Variants in NEGR1 observed in about 807,000 individuals in gnomAD.
The protein encoded by NEGR1 is IgLON family member 4.
NEGR1 carries 10 observed loss-of-function variants against 40.9 expected under a neutral mutation model. The ratio of observed to expected loss-of-function variants is 0.24; its 90% CI spans 0.15 to 0.42. The LOEUF (loss-of-function observed/expected upper bound fraction) is 0.42. Ranked by LOEUF, NEGR1 falls within the 10% of genes least tolerant of loss-of-function variation. NEGR1 has a pLI of 1.00. For synonymous variants in NEGR1, 185 were observed against 166.8 expected, an observed-to-expected ratio of 1.11 and a Z score of -0.84; for missense variants, 352 against 438.9, an observed-to-expected ratio of 0.80 and a Z score of 1.77.
chr1:72,242,037 T>C (rs183024048), intron 1 of NEGR1, among the ~76,000 whole-genome samples: 4 of 137,392 alleles, frequency 2.9e-5, no homozygotes, highest in African/African-American at 8.7e-5. Flanking sequence ...GAAACAATAA[T>C]TATGTGTTTT....
chr1:72,110,225 A>AAAAAAAT (rs1553141078), intron 1 of NEGR1, among the ~76,000 whole-genome samples: 1 of 146,726 alleles, frequency 6.8e-6, no homozygotes, highest in African/African-American at 2.6e-5. Context: ...GTATAATAAA[A>AAAAAAAT]AAAAAAAAAA....
intron 1 of NEGR1, among the ~76,000 whole-genome samples, chr1:72,242,096 G>A (rs1357186948): frequency 6.6e-6 from 1 of 151,672 alleles, no homozygotes; most frequent in Non-Finnish European, 1.5e-5. Context: ...CATTAATGGT[G>A]AAATTATGGT....
intron 2 of NEGR1, among the ~76,000 whole-genome samples, chr1:71,898,892 A>AT (rs1661050492): frequency 1.5e-5 from 2 of 136,200 alleles, no homozygotes; most frequent in East Asian, 2.4e-4. Context: ...ATATATATAT[A>AT]TTGCAAATAT....
chr1:72,197,610 C>T (rs112593979), intron 1 of NEGR1, among the ~76,000 whole-genome samples: 5,116 of 152,000 alleles, frequency 0.034, 147 homozygotes, highest in Non-Finnish European at 0.05. Context: ...ACAGGCACAA[C>T]CAACAGTCCA....
At chr1:72,279,418 A>G (rs1656169934) in intron 1 of NEGR1, among the ~76,000 whole-genome samples, 1 of 152,134 alleles carries the variant, frequency 6.6e-6, no homozygotes, top group African/African-American at 2.4e-5. Context: ...ATTATTTGAT[A>G]ACTGTTATGC....
chr1:71,578,291 A>T (rs1649024817), intron 6 of NEGR1, among the ~76,000 whole-genome samples: 1 of 152,158 alleles, frequency 6.6e-6, no homozygotes, highest in Admixed American at 6.5e-5. Flanking sequence ...AAAATGAAAC[A>T]AAAAACAACT....
chr1:71,806,895 TTTG>T lies in NEGR1; in HGVS notation c.410-30601_410-30599del, dbSNP rs1188751230. Among the ~76,000 whole-genome samples, 9 of 143,962 alleles carry T rather than the reference TTTG, an allele frequency of 6.3e-5. 1 individual carries two copies. Among genetic ancestry groups the T allele is most frequent in the African/African-American group, 1.0e-4 (4 of 38,112 alleles). The allele number at this position is 143,962 out of a possible 152,430, so 94.4% of individuals were successfully genotyped here. On this transcript the variant is annotated intron_variant, in intron 2 of 6. Coordinates refer to ENST00000357731, the MANE Select transcript of NEGR1 (RefSeq NM_173808.3). ...GCGCAAACATGTCGATCTGTTTTTT[TTTG>T]TTTTTTTTTTTTGAGATGGAGTCTC...
At position 71,457,859 on chromosome 1, in the gene NEGR1, G is replaced by A. The variant is rs1158906509; in HGVS notation, c.941-50289C>T. 1.3e-5 allele frequency among the ~76,000 whole-genome samples: 2 copies of A among 151,942 alleles called. 1 individual carries two copies. Among genetic ancestry groups the A allele is most frequent in the Non-Finnish European group, 2.9e-5 (2 of 67,960 alleles). ...TGGGATTACAGGCACCCGCCACCAC[G>A]CCCAGCTAATTTTTTTGTATTTTTA... is the stretch of plus-strand genomic sequence containing the variant. On this transcript the variant is annotated intron_variant, in intron 6 of 6. Coordinates refer to ENST00000357731, the MANE Select transcript of NEGR1 (RefSeq NM_173808.3).
intron 4 of NEGR1, among the ~76,000 whole-genome samples, chr1:71,691,555 A>G (rs1043194771): frequency 6.6e-6 from 1 of 151,876 alleles, no homozygotes; most frequent in Non-Finnish European, 1.5e-5. Context: ...AAATCTTCCA[A>G]GTATTCTTTG....
chr1:71,535,635 G>C (rs1299586376), intron 6 of NEGR1, among the ~76,000 whole-genome samples: 3 of 151,696 alleles, frequency 2.0e-5, no homozygotes, highest in Non-Finnish European at 4.4e-5. Flanking sequence ...AGTTGGTTGA[G>C]TTGGAGATTC....
intron 6 of NEGR1, among the ~76,000 whole-genome samples, chr1:71,501,317 T>A (rs549170928): frequency 1.3e-5 from 2 of 152,272 alleles, no homozygotes; most frequent in East Asian, 1.9e-4. Flanking sequence ...TGTTATGCAT[T>A]AATTGTGATT....
In NEGR1 at chr1:71,396,724, AC is replaced by A. The variant is rs1490340360; in HGVS notation, c.*10721del. 6.5e-6 allele frequency: 1 copy of A among 155,008 alleles called. No homozygotes were observed. Among genetic ancestry groups the A allele is most frequent in the Admixed American group, 6.5e-5 (1 of 15,338 alleles). 9.6% of individuals were successfully genotyped at this position (155,008 alleles called of 1,614,324 possible). A position where few individuals can be genotyped will look rare whatever the true frequency, so the allele number is the denominator to read the frequency against. On this transcript the variant is annotated 3_prime_UTR_variant, in exon 7 of 7. Transcript: ENST00000357731. ...GTTTTATAAGCGGGAGTTTTCCTTC[AC>A]AAGTTCTCTTCTCTTCTCTGCTGCC...
At chr1:71,584,911 T>G (rs1048514104) in intron 6 of NEGR1, among the ~76,000 whole-genome samples, 2 of 152,150 alleles carry the variant, frequency 1.3e-5, no homozygotes, top group African/African-American at 4.8e-5. Context: ...GGATTAGAGC[T>G]GTGTGAAATA....
At chr1:72,224,423 GGCCTT>G (rs2100488125) in intron 1 of NEGR1, among the ~76,000 whole-genome samples, 1 of 151,844 alleles carries the variant, frequency 6.6e-6, no homozygotes, top group South Asian at 2.1e-4. Flanking sequence ...TCTGATGAAG[GGCCTT>G]GCATATTTGT....
At position 71,684,158 on chromosome 1, in the gene NEGR1, T is replaced by C. The variant is rs563366700; in HGVS notation, c.667+13850A>G. Among the ~76,000 whole-genome samples, 18 of 151,972 alleles carry C rather than the reference T, an allele frequency of 1.2e-4. No individual in the cohort carries two copies. In the Middle Eastern group the frequency reaches 0.01, roughly 86 times the overall value. On this transcript the variant is annotated intron_variant, in intron 4 of 6. Coordinates refer to ENST00000357731, the MANE Select transcript of NEGR1 (RefSeq NM_173808.3). ...GGTGGTGGGCGCCTGTAGTCCCAGC[T>C]ACTGGGGAGGCTGAGGTAGGAGAAT... is the stretch of plus-strand genomic sequence containing the variant.
At chr1:72,156,220 C>T (rs1276844371) in intron 1 of NEGR1, among the ~76,000 whole-genome samples, 1 of 152,034 alleles carries the variant, frequency 6.6e-6, no homozygotes, top group Non-Finnish European at 1.5e-5. Flanking sequence ...CATTTTTATG[C>T]TTTTTATGTA....
At chr1:71,882,439 G>A (rs1214994494) in intron 2 of NEGR1, among the ~76,000 whole-genome samples, 1 of 151,976 alleles carries the variant, frequency 6.6e-6, no homozygotes, top group Admixed American at 6.6e-5. Flanking sequence ...TGGTTTGAGG[G>A]AAGAATGGAC....
At chr1:71,490,157 T>C (rs1646917019) in intron 6 of NEGR1, among the ~76,000 whole-genome samples, 1 of 152,018 alleles carries the variant, frequency 6.6e-6, no homozygotes, top group Admixed American at 6.6e-5. Context: ...TACAGAAGTA[T>C]TATTTTTACA....
At chr1:71,796,927 A>C (rs1230852922) in intron 2 of NEGR1, among the ~76,000 whole-genome samples, 1 of 152,148 alleles carries the variant, frequency 6.6e-6, no homozygotes, top group Non-Finnish European at 1.5e-5. Flanking sequence ...GATAAAGATT[A>C]CTAGGGGCTT....
Sources: allele counts gnomAD v4.1 joint callset (sites outside exome capture counted in the v4.1 genomes callset), GRCh38; gene constraint gnomAD v4.1.1; transcripts MANE v1.5; gene names NCBI Gene and HGNC (gene_info 2026-07-23, HGNC 2026-07-21).